SPAG16: variants seen among roughly 807,000 people sequenced by gnomAD.
The protein encoded by SPAG16 is sperm-associated antigen 16 protein.
Under a neutral mutation model 80.4 loss-of-function variants are expected in SPAG16, and 86 were observed. The observed-to-expected ratio is 1.07, with a 90% CI of 0.90 to 1.28. The LOEUF is 1.28. Ranked by LOEUF, SPAG16 falls within the 50% of genes most tolerant of loss-of-function variation. SPAG16 has a pLI of 0.00. For missense variants in SPAG16, 870 were observed against 765.3 expected, an observed-to-expected ratio of 1.14 and a Z score of -1.61; for synonymous variants, 294 against 265.9, an observed-to-expected ratio of 1.11 and a Z score of -1.03.
intron 13 of SPAG16, among the ~76,000 whole-genome samples, chr2:214,020,638 A>G (rs866913242): frequency 1.3e-5 from 2 of 152,190 alleles, no homozygotes; most frequent in Non-Finnish European, 2.9e-5. Flanking sequence ...GACAAAAAAT[A>G]CAAAACTCCT....
intron 9 of SPAG16, among the ~76,000 whole-genome samples, chr2:213,375,526 T>G: frequency 6.6e-6 from 1 of 152,114 alleles, no homozygotes; most frequent in East Asian, 1.9e-4. Flanking sequence ...TATGCTCCGT[T>G]TAACAATCTC....
At chr2:213,379,879 G>A (rs1360127472) in intron 9 of SPAG16, among the ~76,000 whole-genome samples, 1 of 152,154 alleles carries the variant, frequency 6.6e-6, no homozygotes, top group Non-Finnish European at 1.5e-5. Context: ...TGGGCCCATT[G>A]GTGATGACAG....
rs138920439 is a variant in SPAG16, at chr2:213,591,501, G to A, written c.1070+101411G>A. On this transcript the variant is annotated intron_variant, in intron 10 of 15. Coordinates refer to ENST00000331683, the MANE Select transcript of SPAG16 (RefSeq NM_024532.5). ...GTATTATAAATTTTAATAACTATTT[G>A]AAATCATTTTATGTTTATCATGTCA... Among the ~76,000 whole-genome samples the A allele has an allele frequency of 6.7e-3, 1,023 of 152,152 alleles. 7 individuals carry two copies. The highest frequency in any genetic ancestry group is 0.023 in the African/African-American group (955 of 41,526).
chr2:213,686,377 A>G (rs186351066), intron 10 of SPAG16, among the ~76,000 whole-genome samples: 23 of 152,278 alleles, frequency 1.5e-4, no homozygotes, highest in Middle Eastern at 3.4e-3. Context: ...TGGCCTCCCA[A>G]AGTGCTGGGA....
chr2:213,973,684 G>A (rs1255187474), intron 12 of SPAG16, among the ~76,000 whole-genome samples: 6 of 139,974 alleles, frequency 4.3e-5, no homozygotes, highest in African/African-American at 1.6e-4. Context: ...GTATACTTTT[G>A]ACTGTTTCTG....
At chr2:213,584,270 T>C (rs1019932041) in intron 10 of SPAG16, among the ~76,000 whole-genome samples, 3 of 151,686 alleles carry the variant, frequency 2.0e-5, no homozygotes, top group Non-Finnish European at 4.4e-5. Context: ...TTAAAATGTC[T>C]TGAATGAGGC....
chr2:213,468,280 T>C (rs754000668), intron 9 of SPAG16, among the ~76,000 whole-genome samples: 1 of 151,372 alleles, frequency 6.6e-6, no homozygotes, highest in Non-Finnish European at 1.5e-5. Flanking sequence ...AATATGCACA[T>C]CTGAAAGTGT....
chr2:214,252,344 G>A (rs1182990181), intron 15 of SPAG16, among the ~76,000 whole-genome samples: 2 of 151,642 alleles, frequency 1.3e-5, no homozygotes, highest in African/African-American at 2.4e-5. Context: ...TGTGCAGAAC[G>A]TTCAGGTTTG....
intron 10 of SPAG16, among the ~76,000 whole-genome samples, chr2:213,707,511 A>G (rs1213882369): frequency 1.3e-5 from 2 of 152,174 alleles, no homozygotes; most frequent in African/African-American, 2.4e-5. Context: ...TGTCTTAATT[A>G]TAGCATTTAT....
At chr2:213,971,817 A>T (rs1163305567) in intron 12 of SPAG16, among the ~76,000 whole-genome samples, 1 of 151,788 alleles carries the variant, frequency 6.6e-6, no homozygotes, top group Non-Finnish European at 1.5e-5. Flanking sequence ...CCAGCAATAA[A>T]TGAGGATTCC....
At chr2:213,300,934 A>G (rs895690469) in intron 3 of SPAG16, among the ~76,000 whole-genome samples, 3 of 152,106 alleles carry the variant, frequency 2.0e-5, no homozygotes, top group East Asian at 1.9e-4. Context: ...TTCTCTTGCT[A>G]TTATGTTAAT....
intron 13 of SPAG16, among the ~76,000 whole-genome samples, chr2:214,087,449 T>C (rs2051846632): frequency 6.6e-6 from 1 of 152,170 alleles, no homozygotes; most frequent in Non-Finnish European, 1.5e-5. Flanking sequence ...ATTTATTAAG[T>C]ATTCATTATG....
chr2:213,348,773 G>A (rs1238409549), intron 6 of SPAG16, among the ~76,000 whole-genome samples: 1 of 152,178 alleles, frequency 6.6e-6, no homozygotes, highest in Non-Finnish European at 1.5e-5. Context: ...GCTTCCCTTT[G>A]TGACTAACCC....
chr2:213,980,210 A>G (rs2045629618), intron 12 of SPAG16, among the ~76,000 whole-genome samples: 1 of 137,652 alleles, frequency 7.3e-6, no homozygotes, highest in South Asian at 2.2e-4. Context: ...ATATATATAT[A>G]GAATATATGT....
intron 11 of SPAG16, among the ~76,000 whole-genome samples, chr2:213,883,565 G>C (rs1410484904): frequency 1.3e-5 from 2 of 152,146 alleles, no homozygotes; most frequent in Non-Finnish European, 2.9e-5. Context: ...GAGTTCCTTT[G>C]TTAGTATTCT....
intron 13 of SPAG16, among the ~76,000 whole-genome samples, chr2:214,076,149 A>T (rs2051062244): frequency 6.6e-6 from 1 of 152,202 alleles, no homozygotes; most frequent in South Asian, 2.1e-4. Context: ...AGTGATATGG[A>T]TAACCCAAAA....
chr2:214,349,867 T>A (rs1219367838), intron 15 of SPAG16, among the ~76,000 whole-genome samples: 2 of 152,244 alleles, frequency 1.3e-5, no homozygotes, highest in Middle Eastern at 3.2e-3. Flanking sequence ...TGAGCATTTG[T>A]GTATCTATCT....
At chr2:214,057,441 TA>T (rs2050004639) in intron 13 of SPAG16, among the ~76,000 whole-genome samples, 1 of 152,118 alleles carries the variant, frequency 6.6e-6, no homozygotes, top group Non-Finnish European at 1.5e-5. Flanking sequence ...CAGTAGGTCT[TA>T]ACGGTGGGCT....
rs187109036 is a variant in SPAG16, at chr2:214,403,710, C to G, written c.1721-6430C>G. Reference sequence around the variant, plus strand: ...TGTACTACAAATGGTAGTGTGAAAGCTGCTACTATTATCCACTGATATTGA... The same window carrying G: ...TGTACTACAAATGGTAGTGTGAAAGGTGCTACTATTATCCACTGATATTGA... On this transcript the variant is annotated intron_variant, in intron 15 of 15. Transcript: ENST00000331683. Among the ~76,000 whole-genome samples, 393 of 152,280 alleles carry G rather than the reference C, an allele frequency of 2.6e-3. 2 individuals are homozygous for G. The Middle Eastern group carries it at 0.031, about 12-fold the overall frequency.
Sources: allele counts gnomAD v4.1 joint callset (sites outside exome capture counted in the v4.1 genomes callset), GRCh38; gene constraint gnomAD v4.1.1; transcripts MANE v1.5; gene names NCBI Gene and HGNC (gene_info 2026-07-23, HGNC 2026-07-21).